The following TMEM131 variants were observed in gnomAD, a reference collection of about 807,000 sequenced individuals.
TMEM131 encodes 2610524E03Rik.
Under a neutral mutation model 211.6 loss-of-function variants are expected in TMEM131, and 66 were observed. The ratio of observed to expected loss-of-function variants is 0.31; its 90% confidence interval spans 0.26 to 0.38. The LOEUF is 0.38. Among genes scored for constraint, TMEM131 ranks in the 10% least tolerant of loss-of-function variants. TMEM131 has a pLI of 1.00. For synonymous variants in TMEM131, 844 were observed against 841.3 expected (o/e 1.00, Z -0.06); for missense variants, 2,036 against 2,299.3 (o/e 0.89, Z 2.34).
At chr2:97,976,129 C>T (rs187501755) in intron 1 of TMEM131, among the ~76,000 whole-genome samples, 1 of 152,092 alleles carries the variant, frequency 6.6e-6, no homozygotes, top group Non-Finnish European at 1.5e-5. Flanking sequence ...ATGCTTCCCC[C>T]CTAAGATTAT....
At chr2:97,862,703 AAG>A (rs1674117443) in intron 4 of TMEM131, among the ~76,000 whole-genome samples, 1 of 152,134 alleles carries the variant, frequency 6.6e-6, no homozygotes, top group Non-Finnish European at 1.5e-5. Context: ...GAAAACAAAA[AAG>A]AATTAAAAAG....
chr2:97,887,526 C>T (rs1301550172), intron 4 of TMEM131, among the ~76,000 whole-genome samples: 2 of 151,956 alleles, frequency 1.3e-5, no homozygotes, highest in Non-Finnish European at 1.5e-5. Flanking sequence ...CTTAGAGGCC[C>T]GGGGGTCTCT....
intron 3 of TMEM131, among the ~76,000 whole-genome samples, chr2:97,890,212 C>A (rs1053839737): frequency 6.6e-6 from 1 of 152,156 alleles, no homozygotes; most frequent in Non-Finnish European, 1.5e-5. Flanking sequence ...TGATCTGACA[C>A]ATATCATAAG....
At chr2:97,893,676 C>T (rs138279675) in intron 3 of TMEM131, among the ~76,000 whole-genome samples, 114,034 of 152,120 alleles carry the variant, frequency 0.75, 44,414 homozygotes, top group African/African-American at 0.87. Context: ...GTTTGTTGGC[C>T]GCATAAATGT....
intron 35 of TMEM131, chr2:97,763,365 T>A (rs1678967648): frequency 6.5e-6 from 1 of 152,888 alleles, no homozygotes; most frequent in African/African-American, 2.4e-5. Flanking sequence ...GCCTGCTACC[T>A]TCTCTCTCAC....
In TMEM131 at chr2:97,946,945, A is replaced by G. The variant is rs944059095; in HGVS notation, c.188-19458T>C. ...ATATTCAAAAAAAAAACTTCAACAT[A>G]TAAGACTTAAAAAACAAAATTAATC... On this transcript the variant is annotated intron_variant, in intron 1 of 40. Transcript: ENST00000186436. 3.9e-5 allele frequency among the ~76,000 whole-genome samples: 6 copies of G among 152,172 alleles called. No homozygotes were observed. The East Asian group carries it at 5.8e-4, about 15-fold the overall frequency.
chr2:97,772,099 T>C (rs1679493933), intron 33 of TMEM131, among the ~76,000 whole-genome samples, 198 bp downstream of exon 33: 1 of 152,202 alleles, frequency 6.6e-6, no homozygotes, highest in African/African-American at 2.4e-5. Flanking sequence ...TTGAGAAGCA[T>C]ATGGCTATTC....
chr2:97,900,352 C>G (rs1166693607), intron 3 of TMEM131, among the ~76,000 whole-genome samples: 1 of 152,048 alleles, frequency 6.6e-6, no homozygotes, highest in African/African-American at 2.4e-5. Flanking sequence ...GGTCCCCACC[C>G]TCAAGCTCTG....
At chr2:97,899,967 C>T (rs1213738055) in intron 3 of TMEM131, among the ~76,000 whole-genome samples, 3 of 151,978 alleles carry the variant, frequency 2.0e-5, no homozygotes, top group Non-Finnish European at 2.9e-5. Flanking sequence ...GGTGACATAC[C>T]AATAAATCCA....
intron 31 of TMEM131, among the ~76,000 whole-genome samples, chr2:97,789,681 G>T (rs1208548184): frequency 6.6e-6 from 1 of 152,204 alleles, no homozygotes; most frequent in Non-Finnish European, 1.5e-5. Context: ...CATTTCTCTG[G>T]TTAACAGACA....
chr2:97,858,872 C>T (rs992521991), intron 5 of TMEM131, among the ~76,000 whole-genome samples: 1 of 152,180 alleles, frequency 6.6e-6, no homozygotes, highest in Non-Finnish European at 1.5e-5. Context: ...AAGGACTCAG[C>T]CCGGAAGACA....
Position 97,814,150 on chromosome 2 carries a change from T to G in TMEM131, c.1447-9A>C. The G allele has an allele frequency of 6.2e-7, 1 of 1,611,896 alleles. No homozygotes were observed. The highest frequency in any genetic ancestry group is 1.3e-5 in the African/African-American group (1 of 74,872). ...TTGCTGAAGTTGTGAACCTGAGAAA[T>G]GACAGAAGAGAAAAAAAACAAAGTG... On this transcript the variant is annotated splice_polypyrimidine_tract_variant and intron_variant, in intron 14 of 40. Coordinates refer to ENST00000186436, the MANE Select transcript of TMEM131 (RefSeq NM_015348.2).
chr2:97,923,166 G>C (rs1415710537), intron 2 of TMEM131, among the ~76,000 whole-genome samples: 1 of 152,168 alleles, frequency 6.6e-6, no homozygotes, highest in Non-Finnish European at 1.5e-5. Flanking sequence ...GCACACGCCT[G>C]TAATCCTGGT....
intron 1 of TMEM131, among the ~76,000 whole-genome samples, chr2:97,970,610 T>C (rs563018321): frequency 6.6e-6 from 1 of 152,256 alleles, no homozygotes; most frequent in South Asian, 2.1e-4. Flanking sequence ...ACCTCATCTA[T>C]TCACCACTCA....
intron 25 of TMEM131, among the ~76,000 whole-genome samples, chr2:97,801,307 C>T (rs1008267704): frequency 1.4e-4 from 22 of 152,228 alleles, no homozygotes; most frequent in Admixed American, 7.2e-4. Flanking sequence ...CCAACACACA[C>T]CCTTACATTA....
intron 1 of TMEM131, among the ~76,000 whole-genome samples, chr2:97,966,280 A>C (rs1679054539): frequency 6.6e-6 from 1 of 152,040 alleles, no homozygotes; most frequent in South Asian, 2.1e-4. Flanking sequence ...ACTCAGACAA[A>C]ATCTTTCCGG....
chr2:97,799,271 T>TAA (rs200143558), intron 25 of TMEM131, among the ~76,000 whole-genome samples: 1 of 143,326 alleles, frequency 7.0e-6, no homozygotes, highest in African/African-American at 2.6e-5. Context: ...CATTTGTATT[T>TAA]AAAAAAAAAA....
At chr2:97,849,341 C>T (rs1035162695) in intron 5 of TMEM131, among the ~76,000 whole-genome samples, 3 of 152,170 alleles carry the variant, frequency 2.0e-5, no homozygotes, top group Non-Finnish European at 4.4e-5. Flanking sequence ...GAATAAACCA[C>T]ACAGTGACAC....
intron 2 of TMEM131, among the ~76,000 whole-genome samples, chr2:97,926,398 A>AT (rs1010120480): frequency 5.3e-5 from 8 of 152,212 alleles, no homozygotes; most frequent in Non-Finnish European, 1.2e-4. Flanking sequence ...AAAAGATAAC[A>AT]TTATGTCAAA....
Sources: gnomAD v4.1 joint callset for allele counts (sites outside exome capture counted in the v4.1 genomes callset) on GRCh38, gnomAD v4.1.1 for gene constraint, MANE v1.5 for transcripts, NCBI Gene and HGNC (gene_info 2026-07-23, HGNC 2026-07-21) for gene names.